The following TNPO3 variants were observed in gnomAD, a reference collection of about 807,000 sequenced individuals.
TNPO3 encodes transportin 3.
In TNPO3, 65 loss-of-function variants were observed where a neutral mutation model predicts 122.8. That is an observed-to-expected ratio of 0.53 (90% CI 0.43 to 0.65). TNPO3 has a LOEUF of 0.65. TNPO3 is among the 30% of genes least tolerant of loss of function. The probability of loss-of-function intolerance (pLI) is 0.00; values close to 1 mark genes in which losing one functional copy is unlikely to be tolerated. For missense variants in TNPO3, 850 were observed against 1,136.7 expected, an observed-to-expected ratio of 0.75 and a Z score of 3.63; for synonymous variants, 372 against 411.2, an observed-to-expected ratio of 0.90 and a Z score of 1.15.
intron 8 of TNPO3, 23 bp from the exon 9 acceptor site, chr7:128,993,937 A>G: frequency 6.2e-7 from 1 of 1,601,634 alleles, no homozygotes; most frequent in Non-Finnish European, 8.5e-7. Context: ...ATCAGATAAC[A>G]TCTGCTTTAA....
chr7:129,009,303 A>C (rs1802924135), intron 4 of TNPO3, among the ~76,000 whole-genome samples: 1 of 152,264 alleles, frequency 6.6e-6, no homozygotes, highest in African/African-American at 2.4e-5. Context: ...AGACCACAAA[A>C]GTATAATACT....
chr7:129,054,460 C>G (rs573052517), intron 1 of TNPO3, among the ~76,000 whole-genome samples, 191 bp downstream of exon 1: 1 of 152,238 alleles, frequency 6.6e-6, no homozygotes, highest in East Asian at 1.9e-4. Flanking sequence ...AGGGCCAGTT[C>G]GCGACCGATC....
intron 1 of TNPO3, among the ~76,000 whole-genome samples, chr7:129,024,493 T>G (rs989292567): frequency 6.6e-6 from 1 of 152,200 alleles, no homozygotes; most frequent in African/African-American, 2.4e-5. Context: ...TGGGGTAATC[T>G]GCTTCACAGT....
intron 16 of TNPO3, among the ~76,000 whole-genome samples, chr7:128,977,078 C>A (rs1799137317): frequency 6.6e-6 from 1 of 151,948 alleles, no homozygotes; most frequent in Non-Finnish European, 1.5e-5. Context: ...TTAAAAAAAA[C>A]ACAAAAACAA....
intron 1 of TNPO3, among the ~76,000 whole-genome samples, chr7:129,024,523 C>G (rs1804884793): frequency 6.6e-6 from 1 of 152,070 alleles, no homozygotes; most frequent in African/African-American, 2.4e-5. Flanking sequence ...TTAGAACCAC[C>G]AGAAAACCAA....
intron 21 of TNPO3, among the ~76,000 whole-genome samples, chr7:128,963,121 C>A (rs1013202162): frequency 2.0e-5 from 3 of 152,184 alleles, no homozygotes; most frequent in Admixed American, 6.5e-5. Flanking sequence ...ATTCACTGAT[C>A]ACATACTATG....
chr7:129,009,470 A>G (rs1465780358), intron 4 of TNPO3, among the ~76,000 whole-genome samples: 1 of 152,208 alleles, frequency 6.6e-6, no homozygotes, highest in Non-Finnish European at 1.5e-5. Flanking sequence ...GTTCTATAAC[A>G]TGACAAGCTA....
chr7:128,984,139 T>G (rs1799911476), intron 13 of TNPO3, 29 bp downstream of exon 13: 1 of 1,397,920 alleles, frequency 7.2e-7, no homozygotes, highest in Non-Finnish European at 9.9e-7. Flanking sequence ...ATCTTATATT[T>G]GTTTCACACC....
intron 19 of TNPO3, among the ~76,000 whole-genome samples, 174 bp from the exon 20 acceptor site, chr7:128,970,489 G>C (rs1798356892): frequency 6.6e-6 from 1 of 152,078 alleles, no homozygotes; most frequent in Admixed American, 6.6e-5. Flanking sequence ...GATTCACAAA[G>C]TCCAGAAGTT....
At chr7:128,955,737 C>T (rs1585316556) in intron 22 of TNPO3, among the ~76,000 whole-genome samples, 2 of 152,118 alleles carry the variant, frequency 1.3e-5, no homozygotes, top group African/African-American at 4.8e-5. Context: ...GGCTTCATGT[C>T]GATTTTATTT....
chr7:129,002,687 G>T (rs532215935), intron 5 of TNPO3, among the ~76,000 whole-genome samples: 1 of 152,228 alleles, frequency 6.6e-6, no homozygotes, highest in East Asian at 1.9e-4. Context: ...GGGAGGCCAA[G>T]GTGGGCAGAT....
rs1798885489 is a variant in TNPO3 at position 128,974,753 on chromosome 7, A to G, written c.2273+115T>C. 5.9e-6 allele frequency: 5 copies of G among 844,758 alleles called. No individual in the cohort carries two copies. The Admixed American group carries it at 1.0e-4, about 18-fold the overall frequency. The allele number at this position is 844,758 out of a possible 1,614,324, so 52.3% of individuals were successfully genotyped here. ...TTTACCTTTGGGTTATGAATCATTA[A>G]TCTACTTACTCCAGTGACTTCATTT... On this transcript the variant is annotated intron_variant, in intron 18 of 22. Transcript: ENST00000265388.
chr7:129,011,446 C>T (rs1254835582), intron 4 of TNPO3, among the ~76,000 whole-genome samples: 1 of 152,112 alleles, frequency 6.6e-6, no homozygotes, highest in African/African-American at 2.4e-5. Context: ...CGGGTTCAAG[C>T]AATTCTCCTG....
chr7:129,028,967 G>C, intron 1 of TNPO3: 2 of 442,178 alleles, frequency 4.5e-6, no homozygotes, highest in South Asian at 3.5e-5. Flanking sequence ...GGACATTCTG[G>C]ACCAAAAAAT....
At chr7:128,987,150 T>C (rs376272806) in intron 11 of TNPO3, among the ~76,000 whole-genome samples, 9 of 152,302 alleles carry the variant, frequency 5.9e-5, no homozygotes, top group Non-Finnish European at 1.0e-4. Flanking sequence ...ATTTCTTCCC[T>C]CAGGGCAGTC....
chr7:129,014,840 G>GT (rs1662478757), intron 4 of TNPO3, 139 bp downstream of exon 4: 1 of 733,438 alleles, frequency 1.4e-6, no homozygotes, highest in African/African-American at 1.8e-5. Context: ...TGTTGTCATG[G>GT]TAAGGTGTTA....
At chr7:129,012,471 C>T (rs973271606) in intron 4 of TNPO3, among the ~76,000 whole-genome samples, 19 of 152,064 alleles carry the variant, frequency 1.2e-4, no homozygotes, top group Admixed American at 1.2e-3. Flanking sequence ...CTCCAAAATC[C>T]AAAACTTTTT....
intron 1 of TNPO3, among the ~76,000 whole-genome samples, chr7:129,046,600 G>C (rs755735091): frequency 6.6e-6 from 1 of 152,182 alleles, no homozygotes; most frequent in Non-Finnish European, 1.5e-5. Context: ...AAAAGGAAAA[G>C]TACTAGCAAA....
At chr7:128,969,863 C>A (rs962924291) in intron 20 of TNPO3, among the ~76,000 whole-genome samples, 1 of 152,180 alleles carries the variant, frequency 6.6e-6, no homozygotes, top group Non-Finnish European at 1.5e-5. Context: ...CACAAGTGAA[C>A]AAATTTCACA....
Sources: gnomAD v4.1 joint callset for allele counts (sites outside exome capture counted in the v4.1 genomes callset) on GRCh38, gnomAD v4.1.1 for gene constraint, MANE v1.5 for transcripts, NCBI Gene and HGNC (gene_info 2026-07-23, HGNC 2026-07-21) for gene names.